Variants in PTPN5 observed in about 807,000 individuals in gnomAD.
The protein encoded by PTPN5 is protein tyrosine phosphatase non-receptor type 5, also known as tyrosine-protein phosphatase non-receptor type 5.
In PTPN5, 29 loss-of-function variants were observed where a neutral mutation model predicts 73.9. The ratio of observed to expected loss-of-function variants is 0.39; its 90% CI spans 0.29 to 0.54. The LOEUF is 0.54. Ranked by LOEUF, PTPN5 falls within the 20% of genes least tolerant of loss-of-function variation. The probability of loss-of-function intolerance (pLI) is 0.65; values close to 1 mark genes in which losing one functional copy is unlikely to be tolerated. For missense variants in PTPN5, 652 were observed against 751.4 expected (o/e 0.87, Z 1.55); for synonymous variants, 267 against 304.7 (o/e 0.88, Z 1.29).
At chr11:18,745,253 A>G (rs1196918019) in intron 3 of PTPN5, among the ~76,000 whole-genome samples, 2 of 152,222 alleles carry the variant, frequency 1.3e-5, no homozygotes, top group African/African-American at 2.4e-5. Context: ...CATGCTGTAT[A>G]TGGGACAATG....
chr11:18,777,987 A>G (rs779726556), intron 1 of PTPN5, among the ~76,000 whole-genome samples: 142 of 113,384 alleles, frequency 1.3e-3, no homozygotes, highest in African/African-American at 1.5e-3. Context: ...AGAAAGAAAG[A>G]AAGAAAGGAA....
intron 2 of PTPN5, 78 bp downstream of exon 2, chr11:18,771,861 T>C (rs1850916430): frequency 1.6e-6 from 2 of 1,255,706 alleles, no homozygotes; most frequent in East Asian, 2.4e-5. Flanking sequence ...GGGTCACGTG[T>C]CCCAGAGCAT....
At chr11:18,750,771 T>C (rs879855979) in intron 3 of PTPN5, among the ~76,000 whole-genome samples, 7 of 152,184 alleles carry the variant, frequency 4.6e-5, no homozygotes, top group African/African-American at 1.2e-4. Context: ...GTTGACATGA[T>C]TGCCCATGTC....
At chr11:18,768,440 C>T (rs768593927) in intron 2 of PTPN5, among the ~76,000 whole-genome samples, 6 of 152,304 alleles carry the variant, frequency 3.9e-5, no homozygotes, top group East Asian at 3.9e-4. Flanking sequence ...CTTACCCTAA[C>T]GAGCACCTAG....
At chr11:18,736,613 C>T (rs1409310719) in intron 9 of PTPN5, among the ~76,000 whole-genome samples, 1 of 152,210 alleles carries the variant, frequency 6.6e-6, no homozygotes, top group Non-Finnish European at 1.5e-5. Flanking sequence ...CCTCACCTGC[C>T]CTCTGCACCC....
At chr11:18,756,453 T>G (rs1850141145) in intron 3 of PTPN5, among the ~76,000 whole-genome samples, 1 of 151,930 alleles carries the variant, frequency 6.6e-6, no homozygotes, top group Non-Finnish European at 1.5e-5. Flanking sequence ...CAAGCCATCA[T>G]GCCTGGCTAG....
chr11:18,731,390 C>T (rs1848870319), intron 12 of PTPN5, among the ~76,000 whole-genome samples: 1 of 152,074 alleles, frequency 6.6e-6, no homozygotes, highest in Admixed American at 6.5e-5. Flanking sequence ...CTTTGGGAAG[C>T]TCTGTGTTCA....
intron 9 of PTPN5, among the ~76,000 whole-genome samples, 174 bp downstream of exon 9, chr11:18,737,706 G>A (rs1231362286): frequency 2.0e-5 from 3 of 152,086 alleles, no homozygotes; most frequent in Admixed American, 6.5e-5. Flanking sequence ...AAATGTACTC[G>A]CCTCTGGCCT....
chr11:18,741,107 G>A (rs748551017), intron 7 of PTPN5, among the ~76,000 whole-genome samples: 5 of 152,120 alleles, frequency 3.3e-5, no homozygotes, highest in South Asian at 2.1e-4. Context: ...CTCCATCACC[G>A]TTGGAGGAAG....
chr11:18,758,357 GT>G (rs1483448720), intron 3 of PTPN5, among the ~76,000 whole-genome samples: 1 of 152,210 alleles, frequency 6.6e-6, no homozygotes, highest in African/African-American at 2.4e-5. Flanking sequence ...CACATAAGAA[GT>G]CCAACTACCA....
intron 1 of PTPN5, among the ~76,000 whole-genome samples, chr11:18,774,057 G>A (rs1378302821): frequency 6.6e-6 from 1 of 152,220 alleles, no homozygotes; most frequent in East Asian, 1.9e-4. Flanking sequence ...ATTGCTCTAG[G>A]AAGCCTTCCC....
chr11:18,755,301 G>C (rs1850078647), intron 3 of PTPN5, among the ~76,000 whole-genome samples: 1 of 152,202 alleles, frequency 6.6e-6, no homozygotes, highest in Non-Finnish European at 1.5e-5. Flanking sequence ...TCAACAACTT[G>C]AGATGTTGTG....
chr11:18,731,054 C>A (rs1186851907), intron 12 of PTPN5, among the ~76,000 whole-genome samples: 1 of 151,830 alleles, frequency 6.6e-6, no homozygotes. Flanking sequence ...CCTTCAAGAC[C>A]CCATTCAGCA....
At chr11:18,743,156 T>C (rs1245704780) in intron 5 of PTPN5, 81 bp from the exon 6 acceptor site, 1 of 1,259,958 alleles carries the variant, frequency 7.9e-7, no homozygotes, top group Non-Finnish European at 1.1e-6. Context: ...AAACCAAGAT[T>C]CTGAAAATCA....
rs1353009933 is a variant in PTPN5 at position 18,728,107 on chromosome 11, C to A, written c.*827G>T. On this transcript the variant is annotated 3_prime_UTR_variant, in exon 15 of 15. Coordinates refer to ENST00000358540, the MANE Select transcript of PTPN5 (RefSeq NM_006906.2). The surrounding 1 kb of genome is among the most constrained non-coding windows in gnomAD (Gnocchi z 4.1). ...CATGCATGCCCTCCTGATGGGCTCTCAACACACGCATGGACATGGGAACAC... is the reference window on the plus strand; with the variant it reads ...CATGCATGCCCTCCTGATGGGCTCTAAACACACGCATGGACATGGGAACAC... 6.5e-6 allele frequency: 1 copy of A among 152,778 alleles called. No homozygotes were observed. Among genetic ancestry groups the A allele is most frequent in the East Asian group, 1.9e-4 (1 of 5,186 alleles). The allele number at this position is 152,778 out of a possible 1,614,324, so 9.5% of individuals were successfully genotyped here. A position where few individuals can be genotyped will look rare whatever the true frequency, so the allele number is the denominator to read the frequency against.
At chr11:18,735,985 T>C (rs1216770288) in intron 9 of PTPN5, among the ~76,000 whole-genome samples, 1 of 152,200 alleles carries the variant, frequency 6.6e-6, no homozygotes, top group African/African-American at 2.4e-5. Flanking sequence ...CTGTCCAGCC[T>C]GGCACGGCTC....
intron 3 of PTPN5, among the ~76,000 whole-genome samples, chr11:18,761,603 T>G (rs999328582): frequency 1.2e-4 from 18 of 151,648 alleles, no homozygotes; most frequent in African/African-American, 4.4e-4. Context: ...GGGAAGGCAG[T>G]GGGGTAGACA....
At chr11:18,746,162 AATAT>A (rs773490900) in intron 3 of PTPN5, among the ~76,000 whole-genome samples, 6,071 of 67,558 alleles carry the variant, frequency 0.09, 381 homozygotes, top group African/African-American at 0.17. Flanking sequence ...TATAAATATA[AATAT>A]ATATATATAT....
Position 18,729,103 on chromosome 11 carries a change from G to A in PTPN5, c.1605-76C>T. The A allele has an allele frequency of 4.0e-6, 6 of 1,492,618 alleles. No individual in the cohort carries two copies. Among genetic ancestry groups the A allele is most frequent in the Non-Finnish European group, 4.6e-6 (5 of 1,086,586 alleles). 92.5% of individuals were successfully genotyped at this position (1,492,618 alleles called of 1,614,324 possible). ...TGGGAGGTGCCCCAAAAGCCATGGA[G>A]TAGCAATCACTTGCCAGGCCTTGCC... On this transcript the variant is annotated intron_variant, in intron 14 of 14. Coordinates refer to ENST00000358540, the MANE Select transcript of PTPN5 (RefSeq NM_006906.2). This position sits in a 1 kb window ranked among gnomAD's most constrained non-coding sequence, Gnocchi z 5.2.
Sources: gnomAD v4.1 joint callset for allele counts (sites outside exome capture counted in the v4.1 genomes callset) on GRCh38, gnomAD v4.1.1 for gene constraint, Gnocchi (gnomAD v3.1) non-coding constraint, MANE v1.5 for transcripts, NCBI Gene and HGNC (gene_info 2026-07-23, HGNC 2026-07-21) for gene names.